Variants in BBOX1 observed in about 807,000 individuals in gnomAD.
The protein encoded by BBOX1 is gamma-butyrobetaine hydroxylase 1.
A neutral mutation model predicts 41.6 loss-of-function variants in BBOX1; 35 were observed. That is an observed-to-expected ratio of 0.84 (90% CI 0.64 to 1.11). The LOEUF is 1.11. BBOX1 is among the 50% of genes most tolerant of loss of function. The probability of loss-of-function intolerance (pLI) is 0.00; values close to 1 mark genes in which losing one functional copy is unlikely to be tolerated. For synonymous variants in BBOX1, 163 were observed against 154.7 expected (o/e 1.05, Z -0.40); for missense variants, 458 against 460.6 (o/e 0.99, Z 0.05).
chr11:27,045,082 T>C (rs542335561), intron 2 of BBOX1, among the ~76,000 whole-genome samples: 1 of 152,340 alleles, frequency 6.6e-6, no homozygotes, highest in Non-Finnish European at 1.5e-5. Context: ...TTTTCCATTG[T>C]TTGTGTCCTC....
At chr11:27,119,955 TTTA>T (rs1439089854) in intron 7 of BBOX1, 110 bp downstream of exon 7, 1 of 606,158 alleles carries the variant, frequency 1.6e-6, no homozygotes, top group African/African-American at 1.9e-5. Flanking sequence ...GAGCTTTATT[TTTA>T]TTAACATTTC....
chr11:27,110,730 C>G (rs1590220467), intron 5 of BBOX1, among the ~76,000 whole-genome samples: 1 of 151,984 alleles, frequency 6.6e-6, no homozygotes, highest in East Asian at 1.9e-4. Context: ...TAGAACCTAT[C>G]TCTATTAAAT....
intron 2 of BBOX1, among the ~76,000 whole-genome samples, chr11:27,051,090 T>A (rs1596712): frequency 1 from 151,742 of 152,164 alleles, 75,665 homozygotes; most frequent in East Asian, 1. Flanking sequence ...TATTGAAATG[T>A]CCACCTAATT....
chr11:27,091,631 GA>G (rs1418958182), intron 4 of BBOX1, among the ~76,000 whole-genome samples: 1 of 151,818 alleles, frequency 6.6e-6, no homozygotes, highest in Non-Finnish European at 1.5e-5. Flanking sequence ...AGAAGCACTT[GA>G]AAAGCAATGC....
At position 27,054,938 on chromosome 11, in the gene BBOX1, C is replaced by G. The variant is rs185887964; in HGVS notation, c.-38-455C>G. On this transcript the variant is annotated intron_variant, in intron 2 of 8. Transcript: ENST00000263182. ...TATTCTCTTCATAAAGACGAGTTTA[C>G]TAATTTAGTATCATAAAAACATTTT... Among the ~76,000 whole-genome samples, 302 of 152,216 alleles carry G rather than the reference C, an allele frequency of 2.0e-3. 1 individual carries two copies. The highest frequency in any genetic ancestry group is 7.0e-3 in the African/African-American group (291 of 41,524).
chr11:27,114,835 T>C (rs1859198392), intron 5 of BBOX1, among the ~76,000 whole-genome samples: 1 of 151,896 alleles, frequency 6.6e-6, no homozygotes, highest in African/African-American at 2.4e-5. Flanking sequence ...GGCTTTGGAT[T>C]GGGCAGTGGA....
intron 6 of BBOX1, among the ~76,000 whole-genome samples, chr11:27,119,406 G>A (rs1859382415): frequency 4.0e-5 from 6 of 151,638 alleles, no homozygotes; most frequent in Admixed American, 4.0e-4. Context: ...TAACATGTTT[G>A]AACTATACAG....
intron 4 of BBOX1, among the ~76,000 whole-genome samples, chr11:27,073,196 A>T (rs1857515664): frequency 6.6e-6 from 1 of 152,206 alleles, no homozygotes; most frequent in South Asian, 2.1e-4. Context: ...AGAATCTACA[A>T]TGAACTCAAA....
chr11:27,113,181 G>C (rs1590222354), intron 5 of BBOX1, among the ~76,000 whole-genome samples: 1 of 151,940 alleles, frequency 6.6e-6, no homozygotes, highest in East Asian at 1.9e-4. Context: ...TGGAGACAAG[G>C]GAGCACTTAT....
chr11:27,055,690 C>T lies in BBOX1; in HGVS notation c.219+41C>T, dbSNP rs768287336. The T allele has an allele frequency of 1.3e-5, 20 of 1,543,884 alleles. 1 individual carries two copies. The Middle Eastern group carries it at 3.1e-3, about 236-fold the overall frequency. Reference sequence around the variant, plus strand: ...TTATGTCTCCCTTCTTTCTCAAGTTCAATAATGGGGCTAGTCAACAATAAT... The same window carrying T: ...TTATGTCTCCCTTCTTTCTCAAGTTTAATAATGGGGCTAGTCAACAATAAT... On this transcript the variant is annotated intron_variant, in intron 3 of 8. Transcript: ENST00000263182.
intron 4 of BBOX1, among the ~76,000 whole-genome samples, chr11:27,079,587 C>A (rs1857761308): frequency 6.6e-6 from 1 of 152,102 alleles, no homozygotes; most frequent in South Asian, 2.1e-4. Context: ...GAATCACAGT[C>A]TTTAAGCTCA....
At chr11:27,122,601 C>T (rs984099010) in intron 7 of BBOX1, among the ~76,000 whole-genome samples, 8 of 151,956 alleles carry the variant, frequency 5.3e-5, no homozygotes, top group Admixed American at 5.2e-4. Context: ...TTTCGAAGTC[C>T]GAAATAAATT....
At chr11:27,079,941 G>T (rs535515218) in intron 4 of BBOX1, among the ~76,000 whole-genome samples, 1 of 152,138 alleles carries the variant, frequency 6.6e-6, no homozygotes, top group South Asian at 2.1e-4. Flanking sequence ...ACCATATCTT[G>T]CTGCTTCTAC....
rs998789460 is a variant in BBOX1 at position 27,125,658 on chromosome 11, G to C, written c.841G>C (p.Asp281His). The part of the protein sequence containing the change: ...VQSKHKIIEL[D>H]DKGQVVRINF... ...TTTTTTCTCTTAATAAAACAGGTTA[G>C]ATGATAAAGGCCAAGTGGTTCGCAT... Residue 281 changes from aspartate (D) to histidine (H), a missense_variant, in exon 8 of 9, where the codon GAT (aspartate) becomes CAT (histidine). Asp to His is a moderately conservative substitution (Grantham distance 81). Coordinates refer to ENST00000263182, the MANE Select transcript of BBOX1 (RefSeq NM_003986.3). 7.1e-6 allele frequency: 11 copies of C among 1,546,974 alleles called. No individual in the cohort carries two copies. Among genetic ancestry groups the C allele is most frequent in the Non-Finnish European group, 9.6e-6 (11 of 1,146,212 alleles).
chr11:27,119,270 G>T lies in BBOX1; in HGVS notation c.640-379G>T, dbSNP rs183420785. On this transcript the variant is annotated intron_variant, in intron 6 of 8. Transcript: ENST00000263182. The stretch of plus-strand genomic sequence containing the variant: ...CCATTCCCCTTTGCCTAACTTACCC[G>T]CCTCTTCCCCTTGAAATCCTTCCCT... 1.5e-4 allele frequency among the ~76,000 whole-genome samples: 23 copies of T among 151,860 alleles called. 1 individual carries two copies. The highest frequency in any genetic ancestry group is 1.4e-3 in the Admixed American group (22 of 15,236).
intron 4 of BBOX1, among the ~76,000 whole-genome samples, chr11:27,072,750 C>A (rs552924169): frequency 1.3e-5 from 2 of 152,186 alleles, no homozygotes; most frequent in South Asian, 4.1e-4. Context: ...AGAACAGAGA[C>A]CTCAGAAATA....
chr11:27,119,936 C>T lies in BBOX1; in HGVS notation c.836+91C>T, dbSNP rs147690800. 389 of 723,582 alleles carry T rather than the reference C, an allele frequency of 5.4e-4. 2 individuals are homozygous for T. In the African/African-American group the frequency reaches 6.1e-3, roughly 11 times the overall value. The allele number at this position is 723,582 out of a possible 1,614,324, so 44.8% of individuals were successfully genotyped here. On this transcript the variant is annotated intron_variant, in intron 7 of 8. Coordinates refer to ENST00000263182, the MANE Select transcript of BBOX1 (RefSeq NM_003986.3). ...AAGTTTAAACAGCACAAAACTTCAA[C>T]GAACTTCAGAGCTTTATTTTTATTA...
At chr11:27,061,856 TTG>T (rs1417643199) in intron 4 of BBOX1, among the ~76,000 whole-genome samples, 2 of 152,218 alleles carry the variant, frequency 1.3e-5, no homozygotes, top group African/African-American at 4.8e-5. Flanking sequence ...TGCACATATA[TTG>T]GGTATCTATT....
At chr11:27,117,249 T>G (rs1269962789) in intron 6 of BBOX1, among the ~76,000 whole-genome samples, 3 of 151,976 alleles carry the variant, frequency 2.0e-5, no homozygotes, top group Admixed American at 6.6e-5. Context: ...AAATCACAAT[T>G]AGCCCAATTT....
Sources: allele counts gnomAD v4.1 joint callset (sites outside exome capture counted in the v4.1 genomes callset), GRCh38; gene constraint gnomAD v4.1.1; transcripts MANE v1.5; gene names NCBI Gene and HGNC (gene_info 2026-07-23, HGNC 2026-07-21).